The following EXD2 variants were observed in gnomAD, a reference collection of about 807,000 sequenced individuals.
EXD2 encodes the protein exonuclease 3'-5' domain-containing protein 2.
A neutral mutation model predicts 62.5 loss-of-function variants in EXD2; 40 were observed. That is an observed-to-expected ratio of 0.64 (90% CI 0.50 to 0.83). The LOEUF is 0.83. Among genes scored for constraint, EXD2 ranks in the 40% least tolerant of loss-of-function variants. The probability of loss-of-function intolerance (pLI) is 0.00; values close to 1 mark genes in which losing one functional copy is unlikely to be tolerated. For missense variants in EXD2, 671 were observed against 761.8 expected (o/e 0.88, Z 1.40); for synonymous variants, 239 against 291.9 (o/e 0.82, Z 1.85).
intron 1 of EXD2, among the ~76,000 whole-genome samples, chr14:69,197,566 C>T (rs1205207960): frequency 1.3e-5 from 2 of 152,010 alleles, no homozygotes; most frequent in Admixed American, 6.6e-5. Context: ...TTTCAGCCTG[C>T]GGCCCCCTTC....
intron 3 of EXD2, among the ~76,000 whole-genome samples, chr14:69,222,325 G>T (rs4326982): frequency 0.72 from 109,585 of 151,872 alleles, 40,689 homozygotes; most frequent in East Asian, 1. Flanking sequence ...CTACTCTTAT[G>T]TCTATTGTTT....
At chr14:69,200,285 A>G (rs889065384) in intron 1 of EXD2, among the ~76,000 whole-genome samples, 1 of 152,220 alleles carries the variant, frequency 6.6e-6, no homozygotes, top group Non-Finnish European at 1.5e-5. Flanking sequence ...TTAGAAGAGA[A>G]TGGGAATTCT....
intron 6 of EXD2, 153 bp from the exon 7 acceptor site, chr14:69,235,893 C>G (rs1001775017): frequency 1.4e-6 from 1 of 715,254 alleles, no homozygotes; most frequent in African/African-American, 1.7e-5. Context: ...GAGGATTAAA[C>G]ATGGTTTCTC....
At chr14:69,219,312 C>G (rs1220557336) in intron 3 of EXD2, among the ~76,000 whole-genome samples, 2 of 152,092 alleles carry the variant, frequency 1.3e-5, no homozygotes, top group African/African-American at 4.8e-5. Context: ...CTCTGTTTGT[C>G]TGTTATTGGT....
chr14:69,193,050 T>TTC (rs71446377), intron 1 of EXD2, among the ~76,000 whole-genome samples: 45,143 of 147,726 alleles, frequency 0.31, 9,260 homozygotes, highest in East Asian at 0.92. Flanking sequence ...ATTTCCTCCA[T>TTC]TCTCTCTCTC....
rs147866384 is a variant in EXD2, at chr14:69,200,323, G to C, written c.-131-3594G>C. On this transcript the variant is annotated intron_variant, in intron 1 of 9. Coordinates refer to ENST00000685843, the MANE Select transcript of EXD2 (RefSeq NM_001193360.2). ...TTGAATTACAGTTTCTATTTGCAAG[G>C]ATGAAGTTGTTCTGGAAATGGGTGA... Among the ~76,000 whole-genome samples the C allele has an allele frequency of 2.0e-5, 3 of 152,268 alleles. No homozygotes were observed. The East Asian group carries it at 5.8e-4, about 29-fold the overall frequency.
At chr14:69,201,417 G>A (rs2042393486) in intron 1 of EXD2, among the ~76,000 whole-genome samples, 1 of 152,014 alleles carries the variant, frequency 6.6e-6, no homozygotes, top group Non-Finnish European at 1.5e-5. Flanking sequence ...TCAAACTCCT[G>A]ATCTCAGGTG....
At chr14:69,235,394 A>G (rs138703923) in intron 6 of EXD2, among the ~76,000 whole-genome samples, 2 of 152,314 alleles carry the variant, frequency 1.3e-5, no homozygotes, top group East Asian at 1.9e-4. Flanking sequence ...AATAAATAAC[A>G]TGTAGTGCCT....
At chr14:69,238,362 G>T (rs536862677) in intron 9 of EXD2, among the ~76,000 whole-genome samples, 2 of 152,220 alleles carry the variant, frequency 1.3e-5, no homozygotes, top group African/African-American at 4.8e-5. Flanking sequence ...ATCCATGGGG[G>T]ATTGGTTCCA....
chr14:69,217,366 T>C (rs961920963), intron 3 of EXD2, among the ~76,000 whole-genome samples: 1 of 152,176 alleles, frequency 6.6e-6, no homozygotes, highest in Non-Finnish European at 1.5e-5. Flanking sequence ...GGTCAACTTT[T>C]TTAGATTCCA....
chr14:69,228,765 C>T, intron 3 of EXD2, 51 bp from the exon 4 acceptor site: 1 of 1,562,958 alleles, frequency 6.4e-7, no homozygotes. Flanking sequence ...ATATGTTATG[C>T]TCGCTGCTGT....
rs561000372 is a variant in EXD2 at position 69,242,697 on chromosome 14, T to C, written c.*1597T>C. 5 of 152,206 alleles carry C rather than the reference T, an allele frequency of 3.3e-5. No homozygotes were observed. 9.4% of individuals were successfully genotyped at this position (152,206 alleles called of 1,614,324 possible). Reference sequence around the variant, plus strand: ...GGGTCTCTGCCTCCTGGCTGTGTTATGCGGAGCCCAGGAGTGGAGGAGAGC... The same window carrying C: ...GGGTCTCTGCCTCCTGGCTGTGTTACGCGGAGCCCAGGAGTGGAGGAGAGC... On this transcript the variant is annotated 3_prime_UTR_variant, in exon 10 of 10. Transcript: ENST00000685843.
rs1332379187 is a variant in EXD2, at chr14:69,242,159, A to G, written c.*1059A>G. ...GTTTCATCTTTCAAAATGTTAGGCC[A>G]TTACTTTGAGTATAAAATCGACTTA... On this transcript the variant is annotated 3_prime_UTR_variant, in exon 10 of 10. Transcript: ENST00000685843. The G allele has an allele frequency of 1.0e-5, 4 of 397,968 alleles. No homozygotes were observed. Among genetic ancestry groups the G allele is most frequent in the African/African-American group, 4.1e-5 (2 of 48,620 alleles). 24.7% of individuals were successfully genotyped at this position (397,968 alleles called of 1,614,324 possible).
intron 6 of EXD2, among the ~76,000 whole-genome samples, 179 bp downstream of exon 6, chr14:69,235,210 AT>A (rs1157500384): frequency 6.6e-6 from 1 of 151,938 alleles, no homozygotes; most frequent in Non-Finnish European, 1.5e-5. Flanking sequence ...TTATTTGTGT[AT>A]TTTTCTCCTT....
At chr14:69,230,405 C>CT in intron 4 of EXD2, 67 bp from the exon 5 acceptor site, 3 of 1,110,562 alleles carry the variant, frequency 2.7e-6, no homozygotes, top group Non-Finnish European at 3.9e-6. Context: ...ATTTATATGT[C>CT]TTTTTTGATT....
chr14:69,222,118 G>A (rs960103454), intron 3 of EXD2, among the ~76,000 whole-genome samples: 6 of 150,418 alleles, frequency 4.0e-5, no homozygotes, highest in African/African-American at 1.2e-4. Context: ...GCATATATTT[G>A]TTTATGATAT....
intron 3 of EXD2, among the ~76,000 whole-genome samples, chr14:69,218,372 T>G (rs2043055143): frequency 6.6e-6 from 1 of 152,224 alleles, no homozygotes; most frequent in Admixed American, 6.5e-5. Flanking sequence ...GCCCACTTTT[T>G]GATGGAGTTT....
At chr14:69,239,353 C>A (rs1353715643) in intron 9 of EXD2, 1 of 152,142 alleles carries the variant, frequency 6.6e-6, no homozygotes, top group African/African-American at 2.4e-5. Flanking sequence ...GTTCACAAAA[C>A]CTTGAGCGTG....
chr14:69,209,546 A>G lies in EXD2; in HGVS notation c.76A>G (p.Lys26Glu), dbSNP rs1594743233. 3 of 1,550,590 alleles carry G rather than the reference A, an allele frequency of 1.9e-6. No individual in the cohort carries two copies. In the South Asian group the frequency reaches 3.6e-5, roughly 18 times the overall value. The change falls in exon 3 of 10, where the codon AAA becomes GAA. Residue 26 changes from lysine (K) to glutamate (E), a missense_variant. Physicochemically the swap from Lys to Glu is moderately conservative, Grantham distance 56 (BLOSUM62 1). Coordinates refer to ENST00000685843, the MANE Select transcript of EXD2 (RefSeq NM_001193360.2). ...GVAVGGFVLW[K>E]GIQRRRRSKT... ...GGCTGTAGGGGGGTTTGTCCTCTGG[A>G]AAGGCATCCAGCGCCGCCGAAGGAG...
Sources: gnomAD v4.1 joint callset for allele counts (sites outside exome capture counted in the v4.1 genomes callset) on GRCh38, gnomAD v4.1.1 for gene constraint, MANE v1.5 for transcripts, NCBI Gene and HGNC (gene_info 2026-07-23, HGNC 2026-07-21) for gene names.